ANXA13: variants seen among roughly 807,000 people sequenced by gnomAD.
The protein encoded by ANXA13 is annexin XIII.
ANXA13 carries 36 observed loss-of-function variants against 46.6 expected under a neutral mutation model. The ratio of observed to expected loss-of-function variants is 0.77; its 90% CI spans 0.59 to 1.02. The LOEUF is 1.02. Among genes scored for constraint, ANXA13 ranks in the 50% least tolerant of loss-of-function variants. ANXA13 has a pLI of 0.00. For synonymous variants in ANXA13, 163 were observed against 152.9 expected (o/e 1.07, Z -0.49); for missense variants, 417 against 396.5 (o/e 1.05, Z -0.44).
intron 1 of ANXA13, among the ~76,000 whole-genome samples, chr8:123,721,832 C>G (rs1813878415): frequency 6.6e-6 from 1 of 152,098 alleles, no homozygotes; most frequent in Non-Finnish European, 1.5e-5. Context: ...TCCCAACAAC[C>G]CTATGGGGTA....
At chr8:123,689,234 C>T (rs901460802) in intron 8 of ANXA13, among the ~76,000 whole-genome samples, 1 of 147,972 alleles carries the variant, frequency 6.8e-6, no homozygotes, top group Admixed American at 6.8e-5. Context: ...AGTGGAGAAA[C>T]AATTAATATA....
chr8:123,735,205 C>G (rs911002878), intron 1 of ANXA13, among the ~76,000 whole-genome samples: 1 of 151,384 alleles, frequency 6.6e-6, no homozygotes, highest in Non-Finnish European at 1.5e-5. Context: ...ATAACATTGT[C>G]TATTACACTA....
At chr8:123,727,399 T>C (rs1241750840) in intron 1 of ANXA13, among the ~76,000 whole-genome samples, 1 of 151,960 alleles carries the variant, frequency 6.6e-6, no homozygotes, top group African/African-American at 2.4e-5. Flanking sequence ...TGGTGATTTC[T>C]GGTGGAGATC....
intron 6 of ANXA13, 152 bp downstream of exon 6, chr8:123,695,350 T>A (rs1282168365): frequency 3.1e-6 from 2 of 637,284 alleles, no homozygotes; most frequent in Non-Finnish European, 5.5e-6. Flanking sequence ...TCACCAGAGC[T>A]GGGCTGATGG....
At chr8:123,727,406 G>T (rs1814021689) in intron 1 of ANXA13, among the ~76,000 whole-genome samples, 1 of 151,952 alleles carries the variant, frequency 6.6e-6, no homozygotes. Context: ...TTCTGGTGGA[G>T]ATCCAGTGAC....
At chr8:123,685,591 G>GA (rs1282098982) in intron 9 of ANXA13, among the ~76,000 whole-genome samples, 7 of 152,338 alleles carry the variant, frequency 4.6e-5, no homozygotes, top group African/African-American at 1.4e-4. Context: ...CATAAATGTG[G>GA]AATGTGCAAT....
At position 123,683,779 on chromosome 8, in the gene ANXA13, G is replaced by T. The variant is rs139233675; in HGVS notation, c.831+831C>A. ...TTTTTGTATTTTTAGTAGTGACGGGGTTTCACCATGTTGGCCAGGCCGGTC... is the reference window on the plus strand; with the variant it reads ...TTTTTGTATTTTTAGTAGTGACGGGTTTTCACCATGTTGGCCAGGCCGGTC... On this transcript the variant is annotated intron_variant, in intron 10 of 10. Transcript: ENST00000419625. 7.2e-3 allele frequency among the ~76,000 whole-genome samples: 1,096 copies of T among 152,064 alleles called. 12 individuals are homozygous for T. The highest frequency in any genetic ancestry group is 0.026 in the African/African-American group (1,061 of 41,452).
intron 1 of ANXA13, among the ~76,000 whole-genome samples, chr8:123,725,746 A>G (rs1323106050): frequency 4.6e-5 from 7 of 152,328 alleles, no homozygotes; most frequent in Admixed American, 4.6e-4. Context: ...GTATTTCATC[A>G]TGTAGTTATT....
intron 8 of ANXA13, among the ~76,000 whole-genome samples, chr8:123,692,538 C>T (rs1813261627): frequency 6.6e-6 from 1 of 152,156 alleles, no homozygotes; most frequent in Admixed American, 6.5e-5. Flanking sequence ...TAAATTTATC[C>T]TGGGATTAAA....
chr8:123,701,429 C>T (rs922262113), intron 3 of ANXA13, among the ~76,000 whole-genome samples: 2 of 152,144 alleles, frequency 1.3e-5, no homozygotes, highest in Non-Finnish European at 2.9e-5. Context: ...AAGATTATGC[C>T]ACTACACTCC....
intron 2 of ANXA13, among the ~76,000 whole-genome samples, chr8:123,704,852 C>T (rs1451566405): frequency 2.6e-5 from 4 of 152,214 alleles, no homozygotes; most frequent in African/African-American, 4.8e-5. Flanking sequence ...CAGTTCTCCT[C>T]TCTATTGGAG....
intron 4 of ANXA13, among the ~76,000 whole-genome samples, chr8:123,696,563 C>G (rs1586318217): frequency 1.3e-5 from 2 of 152,162 alleles, no homozygotes; most frequent in Admixed American, 6.5e-5. Flanking sequence ...CCCCCACCCC[C>G]CCCACCACCA....
At chr8:123,686,964 G>C (rs1813151009) in intron 9 of ANXA13, among the ~76,000 whole-genome samples, 1 of 152,298 alleles carries the variant, frequency 6.6e-6, no homozygotes, top group African/African-American at 2.4e-5. Context: ...CTCTTGGACT[G>C]TGTGGTCCTC....
intron 4 of ANXA13, among the ~76,000 whole-genome samples, chr8:123,697,776 G>A (rs1254943073): frequency 1.3e-5 from 2 of 152,206 alleles, no homozygotes. Flanking sequence ...TGAGTCCCTT[G>A]GTTCTCCTGG....
chr8:123,700,894 C>T (rs537710565), intron 3 of ANXA13, among the ~76,000 whole-genome samples: 60 of 152,160 alleles, frequency 3.9e-4, no homozygotes, highest in Admixed American at 3.7e-3. Flanking sequence ...GCAACTACGG[C>T]TCACTGAGGC....
At chr8:123,683,830 A>G (rs1450793353) in intron 10 of ANXA13, among the ~76,000 whole-genome samples, 4 of 151,840 alleles carry the variant, frequency 2.6e-5, no homozygotes, top group African/African-American at 4.8e-5. Context: ...CAGGCGATCC[A>G]CCCACCTCGG....
chr8:123,683,775 C>T lies in ANXA13; in HGVS notation c.831+835G>A, dbSNP rs1206401024. ...CTAATTTTTGTATTTTTAGTAGTGACGGGGTTTCACCATGTTGGCCAGGCC... is the reference window on the plus strand; with the variant it reads ...CTAATTTTTGTATTTTTAGTAGTGATGGGGTTTCACCATGTTGGCCAGGCC... On this transcript the variant is annotated intron_variant, in intron 10 of 10. Transcript: ENST00000419625. Among the ~76,000 whole-genome samples, 6 of 151,978 alleles carry T rather than the reference C, an allele frequency of 3.9e-5. No homozygotes were observed. In the East Asian group the frequency reaches 7.7e-4, roughly 20 times the overall value.
At position 123,702,730 on chromosome 8, in the gene ANXA13, T is replaced by A. The variant is rs1467992068; in HGVS notation, c.98A>T (p.Asn33Ile). The change falls in exon 3 of 11, where the codon AAT (asparagine) becomes ATT (isoleucine). Residue 33 changes from asparagine to isoleucine, a missense_variant. Coordinates refer to ENST00000419625, the MANE Select transcript of ANXA13 (RefSeq NM_004306.4). Reference sequence around the variant, plus strand: ...TAAGATTTCAATGATGGCTGCTTCATTGGTCCCTAAAATACAGGAGAAACA... The same window carrying A: ...TAAGATTTCAATGATGGCTGCTTCAATGGTCCCTAAAATACAGGAGAAACA... ...LNKACKGMGT[N>I]EAAIIEILSG... is the part of the protein sequence containing the mutation. The A allele has an allele frequency of 1.2e-6, 2 of 1,613,886 alleles. No homozygotes were observed. The highest frequency in any genetic ancestry group is 8.5e-7 in the Non-Finnish European group (1 of 1,179,822).
At chr8:123,721,473 C>T (rs1471100575) in intron 1 of ANXA13, among the ~76,000 whole-genome samples, 1 of 152,108 alleles carries the variant, frequency 6.6e-6, no homozygotes, top group African/African-American at 2.4e-5. Context: ...GTATCAAGAG[C>T]GCTTGGCAGG....
Sources: allele counts gnomAD v4.1 joint callset (sites outside exome capture counted in the v4.1 genomes callset), GRCh38; gene constraint gnomAD v4.1.1; transcripts MANE v1.5; gene names NCBI Gene and HGNC (gene_info 2026-07-23, HGNC 2026-07-21).